FNBP4: variants seen among roughly 807,000 people sequenced by gnomAD.
FNBP4 encodes formin binding protein 4.
A neutral mutation model predicts 119.3 loss-of-function variants in FNBP4; 34 were observed. The ratio of observed to expected loss-of-function variants is 0.28; its 90% CI spans 0.22 to 0.38. The LOEUF is 0.38. Among genes scored for constraint, FNBP4 ranks in the 10% least tolerant of loss-of-function variants. The pLI, the probability that FNBP4 is intolerant of heterozygous loss-of-function variation, is 1.00. For missense variants in FNBP4, 1,112 were observed against 1,228.9 expected, an observed-to-expected ratio of 0.90 and a Z score of 1.42; for synonymous variants, 462 against 430.6, an observed-to-expected ratio of 1.07 and a Z score of -0.90.
chr11:47,750,406 AAG>A (rs2097599836), intron 6 of FNBP4, among the ~76,000 whole-genome samples: 2 of 147,362 alleles, frequency 1.4e-5, no homozygotes, highest in Admixed American at 1.4e-4. Flanking sequence ...AAAAAAAAAA[AAG>A]GCCAGATGTG....
intron 16 of FNBP4, among the ~76,000 whole-genome samples, 172 bp downstream of exon 16, chr11:47,719,757 A>G (rs1455896855): frequency 6.6e-6 from 1 of 152,178 alleles, no homozygotes; most frequent in Admixed American, 6.6e-5. Flanking sequence ...CATAATTTCT[A>G]TAAGGAATTA....
rs1193027146 is a variant in FNBP4, at chr11:47,754,518, C to T, written c.450+10G>A. On this transcript the variant is annotated intron_variant, in intron 3 of 16. Transcript: ENST00000263773. ...CAGTAACTAAAACTCCAAACGAAAG[C>T]ACCACTAACCGCTAGGAAGTTGGCC... The T allele has an allele frequency of 6.2e-7, 1 of 1,610,144 alleles. No individual in the cohort carries two copies. The highest frequency in any genetic ancestry group is 1.1e-5 in the South Asian group (1 of 90,330).
chr11:47,731,158 C>T (rs1246755636), intron 12 of FNBP4: 3 of 426,448 alleles, frequency 7.0e-6, no homozygotes, highest in Non-Finnish European at 1.2e-5. Flanking sequence ...ATCTGTTAGC[C>T]TATCTTTTCA....
chr11:47,757,076 G>A (rs2097620624), intron 2 of FNBP4, among the ~76,000 whole-genome samples: 1 of 152,122 alleles, frequency 6.6e-6, no homozygotes, highest in Non-Finnish European at 1.5e-5. Flanking sequence ...TGGGATCGCT[G>A]GGTCAAATGG....
chr11:47,762,899 C>G lies in FNBP4; in HGVS notation c.313+2371G>C, dbSNP rs542681804. Among the ~76,000 whole-genome samples, 4 of 85,746 alleles carry G rather than the reference C, an allele frequency of 4.7e-5. No individual in the cohort carries two copies. The South Asian group carries it at 2.0e-3, about 43-fold the overall frequency. 56.3% of individuals were successfully genotyped at this position (85,746 alleles called of 152,430 possible). A position where few individuals can be genotyped will look rare whatever the true frequency, so the allele number is the denominator to read the frequency against. ...CACTCCAGCCTGGGCAACAGAGACTCTGATTCCAAAAAAAAAAAAAAAAAA... is the reference window on the plus strand; with the variant it reads ...CACTCCAGCCTGGGCAACAGAGACTGTGATTCCAAAAAAAAAAAAAAAAAA... On this transcript the variant is annotated intron_variant, in intron 2 of 16. Coordinates refer to ENST00000263773, the MANE Select transcript of FNBP4 (RefSeq NM_015308.5).
chr11:47,755,795 C>CAAA (rs142581835), intron 2 of FNBP4, among the ~76,000 whole-genome samples: 2 of 132,270 alleles, frequency 1.5e-5, no homozygotes, highest in African/African-American at 5.6e-5. Flanking sequence ...ACCATGTCTC[C>CAAA]AAAAAAAAAA....
At chr11:47,734,981 C>T (rs1355819257) in intron 9 of FNBP4, among the ~76,000 whole-genome samples, 12 of 108,044 alleles carry the variant, frequency 1.1e-4, no homozygotes, top group South Asian at 8.9e-4. Flanking sequence ...CCCCAACACC[C>T]CCCCCCCCAA....
chr11:47,728,233 T>C (rs1037298118), intron 12 of FNBP4, among the ~76,000 whole-genome samples: 4 of 151,806 alleles, frequency 2.6e-5, no homozygotes, highest in African/African-American at 4.8e-5. Context: ...AAACTGAATA[T>C]GTTATGAGAA....
Position 47,717,422 on chromosome 11 carries a change from C to CTCCTT in FNBP4, c.3053_3054insAAGGA (p.Ter1018=). 1.2e-6 allele frequency: 2 copies of CTCCTT among 1,605,786 alleles called. No homozygotes were observed. The highest frequency in any genetic ancestry group is 1.7e-6 in the Non-Finnish European group (2 of 1,175,702). ...CAAAAAAGTTTTAAAAACTTAAAAA[C>CTCCTT]TATGTGTTTGGAGCCATTTTCCTTC... On this transcript the variant is annotated frameshift_variant and stop_retained_variant, in exon 17 of 17. Coordinates refer to ENST00000263773, the MANE Select transcript of FNBP4 (RefSeq NM_015308.5). LOFTEE classifies it high-confidence loss of function.
In FNBP4 at chr11:47,746,337, C is replaced by A. The variant is rs1239049079; in HGVS notation, c.964G>T (p.Ala322Ser). 1 of 1,613,704 alleles carries A rather than the reference C, an allele frequency of 6.2e-7. No homozygotes were observed. Among genetic ancestry groups the A allele is most frequent in the Non-Finnish European group, 8.5e-7 (1 of 1,180,006 alleles). Residue 322 changes from alanine (A) to serine (S), a missense_variant, in exon 7 of 17, where the codon GCA (alanine) becomes TCA (serine). Physicochemically the swap from Ala to Ser is moderately conservative, Grantham distance 99 (BLOSUM62 1). Around this residue, in one of 2 missense-constraint regions of FNBP4, gnomAD observed 826 missense variants for 988.8 expected, o/e 0.84. Coordinates refer to ENST00000263773, the MANE Select transcript of FNBP4 (RefSeq NM_015308.5). ...AATAAAGGAGCAAGCAGCGATGCTG[C>A]CACCCCTTTCTTCTCCTCCTCACTA... ...SNSEEEKKGV[A>S]ASLLAPLLPE...
chr11:47,766,637 G>C (rs1378090332), intron 1 of FNBP4, among the ~76,000 whole-genome samples: 1 of 152,218 alleles, frequency 6.6e-6, no homozygotes, highest in Non-Finnish European at 1.5e-5. Flanking sequence ...AATATTAAGA[G>C]CTTTTTCTAA....
At chr11:47,737,819 T>C (rs528264965) in intron 8 of FNBP4, among the ~76,000 whole-genome samples, 1 of 151,928 alleles carries the variant, frequency 6.6e-6, no homozygotes, top group East Asian at 1.9e-4. Flanking sequence ...TGATCTTAGC[T>C]CATTGCAACC....
intron 3 of FNBP4, 86 bp downstream of exon 3, chr11:47,754,442 T>A: frequency 7.6e-7 from 1 of 1,309,990 alleles, no homozygotes; most frequent in Non-Finnish European, 1.1e-6. Flanking sequence ...GAGGAAGACA[T>A]TGAACTGACA....
intron 4 of FNBP4, among the ~76,000 whole-genome samples, chr11:47,752,479 G>A (rs1285950932): frequency 6.6e-6 from 1 of 150,942 alleles, no homozygotes; most frequent in Admixed American, 6.6e-5. Context: ...GAATCCTAAA[G>A]TCTAAGGTTA....
rs2097550382 is a variant in FNBP4, at chr11:47,716,784, C to G, written c.*638G>C. On this transcript the variant is annotated 3_prime_UTR_variant, in exon 17 of 17. Coordinates refer to ENST00000263773, the MANE Select transcript of FNBP4 (RefSeq NM_015308.5). The stretch of plus-strand genomic sequence containing the variant: ...ATGGAGACATTAATACATAGAGTGT[C>G]TTGTTGTATTTACTGCCACATACTT... The G allele has an allele frequency of 6.6e-6, 1 of 152,516 alleles. No individual in the cohort carries two copies. The highest frequency in any genetic ancestry group is 2.4e-5 in the African/African-American group (1 of 41,410). 9.4% of individuals were successfully genotyped at this position (152,516 alleles called of 1,614,324 possible). A position where few individuals can be genotyped will look rare whatever the true frequency, so the allele number is the denominator to read the frequency against.
At chr11:47,745,748 C>T (rs575395545) in intron 7 of FNBP4, among the ~76,000 whole-genome samples, 20 of 152,190 alleles carry the variant, frequency 1.3e-4, no homozygotes, top group South Asian at 8.3e-4. Flanking sequence ...TCACCCCCGG[C>T]GGCCCAGCTG....
chr11:47,746,503 C>T, intron 6 of FNBP4, 109 bp from the exon 7 acceptor site: 2 of 1,021,128 alleles, frequency 2.0e-6, no homozygotes, highest in Non-Finnish European at 2.8e-6. Context: ...TAGCTGAATA[C>T]TCAAGGTAAA....
At position 47,717,352 on chromosome 11, in the gene FNBP4, A is replaced by C; in HGVS notation, c.*70T>G. 9.5e-7 allele frequency: 1 copy of C among 1,053,392 alleles called. No homozygotes were observed. The highest frequency in any genetic ancestry group is 1.4e-6 in the Non-Finnish European group (1 of 707,338). The allele number at this position is 1,053,392 out of a possible 1,614,324, so 65.3% of individuals were successfully genotyped here. On this transcript the variant is annotated 3_prime_UTR_variant, in exon 17 of 17. Coordinates refer to ENST00000263773, the MANE Select transcript of FNBP4 (RefSeq NM_015308.5). The stretch of plus-strand genomic sequence containing the variant: ...TAACATTTATAGTTTATTTGACAAT[A>C]AAACTGGTTAAGACTTTGAACTGAA...
intron 12 of FNBP4, among the ~76,000 whole-genome samples, chr11:47,728,255 A>G (rs895458104): frequency 4.6e-5 from 7 of 151,174 alleles, no homozygotes; most frequent in African/African-American, 1.7e-4. Flanking sequence ...ACAAATTCTT[A>G]ATTTTTTTTT....
Sources: gnomAD v4.1 joint callset for allele counts (sites outside exome capture counted in the v4.1 genomes callset) on GRCh38, gnomAD v4.1.1 for gene constraint, gnomAD v4.1.1 regional missense constraint, MANE v1.5 for transcripts, NCBI Gene and HGNC (gene_info 2026-07-23, HGNC 2026-07-21) for gene names.